Variants in FAM78A observed in about 807,000 individuals in gnomAD.
The protein encoded by FAM78A is family with sequence similarity 78 member A.
In FAM78A, 12 loss-of-function variants were observed where a neutral mutation model predicts 22.6. The observed-to-expected ratio is 0.53, with a 90% confidence interval of 0.34 to 0.86. The LOEUF is 0.86. Among genes scored for constraint, FAM78A ranks in the 40% least tolerant of loss-of-function variants. FAM78A has a pLI of 0.02. For missense variants in FAM78A, 322 were observed against 396.1 expected, an observed-to-expected ratio of 0.81 and a Z score of 1.59; for synonymous variants, 151 against 155.8, an observed-to-expected ratio of 0.97 and a Z score of 0.23.
intron 1 of FAM78A, among the ~76,000 whole-genome samples, chr9:131,269,601 T>C (rs1835392076): frequency 6.6e-6 from 1 of 152,064 alleles, no homozygotes; most frequent in South Asian, 2.1e-4. Flanking sequence ...CTCAGCCTTC[T>C]GAGTAGCTGG....
chr9:131,259,820 G>A lies in FAM78A; in HGVS notation c.*1002C>T, dbSNP rs1055203737. On this transcript the variant is annotated 3_prime_UTR_variant, in exon 2 of 2. Transcript: ENST00000372271. ...ATTTGGGACCAGTGTGGATGGAGAA[G>A]GAAAAAGCCACACACCTGGAGGAAG... 1 of 152,862 alleles carries A rather than the reference G, an allele frequency of 6.5e-6. No individual in the cohort carries two copies. Among genetic ancestry groups the A allele is most frequent in the Non-Finnish European group, 1.5e-5 (1 of 68,218 alleles). The allele number at this position is 152,862 out of a possible 1,614,324, so 9.5% of individuals were successfully genotyped here.
At chr9:131,280,078 A>T (rs186651588), upstream of FAM78A, among the ~76,000 whole-genome samples, 5 of 151,472 alleles carry the variant, frequency 3.3e-5, no homozygotes, top group Admixed American at 3.3e-4. Flanking sequence ...CCTTGACATC[A>T]CCCCTGCACA....
Position 131,260,636 on chromosome 9 carries a change from C to G in FAM78A, c.*186G>C, listed in dbSNP as rs1835250441. On this transcript the variant is annotated 3_prime_UTR_variant, in exon 2 of 2. Coordinates refer to ENST00000372271, the MANE Select transcript of FAM78A (RefSeq NM_033387.4). The surrounding 1 kb of genome is among the most constrained non-coding windows in gnomAD (Gnocchi z 5.4). The stretch of plus-strand genomic sequence containing the variant: ...TCTGTCTGTCCTGCTTAGATCTCCC[C>G]TCTCCCTGAAAGGAAGCAGGTGCCG... 1 of 605,170 alleles carries G rather than the reference C, an allele frequency of 1.7e-6. No individual in the cohort carries two copies. Among genetic ancestry groups the G allele is most frequent in the Admixed American group, 3.6e-5 (1 of 27,446 alleles). The allele number at this position is 605,170 out of a possible 1,614,324, so 37.5% of individuals were successfully genotyped here.
chr9:131,271,853 G>A (rs1037715363), intron 1 of FAM78A, among the ~76,000 whole-genome samples: 26 of 152,196 alleles, frequency 1.7e-4, no homozygotes, highest in African/African-American at 5.8e-4. Context: ...GAGGAATTGC[G>A]GGGGCCGGGC....
chr9:131,266,806 G>A (rs1045017708), intron 1 of FAM78A, among the ~76,000 whole-genome samples: 1 of 152,238 alleles, frequency 6.6e-6, no homozygotes, highest in African/African-American at 2.4e-5. Flanking sequence ...CACAGCACCT[G>A]GCCCAGCTTC....
intron 1 of FAM78A, among the ~76,000 whole-genome samples, chr9:131,268,873 A>G (rs1835380823): frequency 6.7e-6 from 1 of 149,136 alleles, no homozygotes; most frequent in South Asian, 2.2e-4. Flanking sequence ...AGCCTGGGCG[A>G]CAGAGCGAGA....
chr9:131,258,362 C>T lies in FAM78A; in HGVS notation c.*2460G>A, dbSNP rs749853629. On this transcript the variant is annotated 3_prime_UTR_variant, in exon 2 of 2. Transcript: ENST00000372271. The stretch of plus-strand genomic sequence containing the variant: ...GAGCAAGGAGGCTGAAGGAGCAGAC[C>T]GGGGCTCAGCTGAGCGTCCGTGGCC... 2.6e-5 allele frequency: 4 copies of T among 152,420 alleles called. No individual in the cohort carries two copies. In the South Asian group the frequency reaches 6.2e-4, roughly 24 times the overall value. 9.4% of individuals were successfully genotyped at this position (152,420 alleles called of 1,614,324 possible).
Position 131,270,192 on chromosome 9 carries a change from G to A in FAM78A, c.323+5665C>T. The A allele has an allele frequency of 7.1e-6, 5 of 699,880 alleles. No homozygotes were observed. The South Asian group carries it at 7.6e-5, about 11-fold the overall frequency. 43.4% of individuals were successfully genotyped at this position (699,880 alleles called of 1,614,324 possible). ...CTGCACTCCAGCCTGGGTGACAAGA[G>A]TGAAACTGCATCTCAAAAACAAGTA... On this transcript the variant is annotated intron_variant, in intron 1 of 1. Transcript: ENST00000372271.
intron 1 of FAM78A, among the ~76,000 whole-genome samples, chr9:131,271,986 C>T (rs956708923): frequency 6.6e-6 from 1 of 151,890 alleles, no homozygotes; most frequent in Non-Finnish European, 1.5e-5. Context: ...TCTTTTCCAG[C>T]TCTGTCTGCA....
rs930040002 is a variant in FAM78A at position 131,265,366 on chromosome 9, C to G, written c.324-4016G>C. On this transcript the variant is annotated intron_variant, in intron 1 of 1. Transcript: ENST00000372271. This position sits in a 1 kb window ranked among gnomAD's most constrained non-coding sequence, Gnocchi z 4.3. Reference sequence around the variant, plus strand: ...TGCCTCCTGGGTTCAAGCGATTCTCCTGCCTCAGCTTCCCAAGTAGCTGGG... The same window carrying G: ...TGCCTCCTGGGTTCAAGCGATTCTCGTGCCTCAGCTTCCCAAGTAGCTGGG... 6.6e-6 allele frequency among the ~76,000 whole-genome samples: 1 copy of G among 152,174 alleles called. No homozygotes were observed. The highest frequency in any genetic ancestry group is 2.4e-5 in the African/African-American group (1 of 41,442).
chr9:131,270,966 G>T (rs1835413958), intron 1 of FAM78A, among the ~76,000 whole-genome samples: 1 of 151,294 alleles, frequency 6.6e-6, no homozygotes, highest in South Asian at 2.1e-4. Flanking sequence ...GCACCCAGCG[G>T]TCCCTCCACC....
At position 131,272,396 on chromosome 9, in the gene FAM78A, G is replaced by C. The variant is rs1465868105; in HGVS notation, c.323+3461C>G. 6.6e-6 allele frequency among the ~76,000 whole-genome samples: 1 copy of C among 152,202 alleles called. No homozygotes were observed. The highest frequency in any genetic ancestry group is 1.5e-5 in the Non-Finnish European group (1 of 68,038). On this transcript the variant is annotated intron_variant, in intron 1 of 1. Transcript: ENST00000372271. This position sits in a 1 kb window ranked among gnomAD's most constrained non-coding sequence, Gnocchi z 4.1. ...TGACTGTCACAGCTTGCGGGGATGT[G>C]CTCCTGGCATGGAGTGGGTAGAGGC...
Position 131,260,565 on chromosome 9 carries a change from A to T in FAM78A, c.*257T>A. 1 of 378,224 alleles carries T rather than the reference A, an allele frequency of 2.6e-6. No individual in the cohort carries two copies. The highest frequency in any genetic ancestry group is 2.1e-5 in the African/African-American group (1 of 48,266). 23.4% of individuals were successfully genotyped at this position (378,224 alleles called of 1,614,324 possible). A position where few individuals can be genotyped will look rare whatever the true frequency, so the allele number is the denominator to read the frequency against. On this transcript the variant is annotated 3_prime_UTR_variant, in exon 2 of 2. Transcript: ENST00000372271. The surrounding 1 kb of genome is among the most constrained non-coding windows in gnomAD (Gnocchi z 5.4). ...AAGTGAGCGACTGAAACTGAGAAAA[A>T]GGAGAGGCAAGGAGACCAGAGGTCA...
chr9:131,271,000 T>C (rs4740426), intron 1 of FAM78A, among the ~76,000 whole-genome samples: 21,195 of 81,132 alleles, frequency 0.26, 3,238 homozygotes, highest in African/African-American at 0.44. Flanking sequence ...TTCCCACCAG[T>C]CTTTTTTTTT....
rs977643823 is a variant in FAM78A, at chr9:131,265,185, T to A, written c.324-3835A>T. Among the ~76,000 whole-genome samples the A allele has an allele frequency of 1.3e-5, 2 of 152,226 alleles. No individual in the cohort carries two copies. The highest frequency in any genetic ancestry group is 2.9e-5 in the Non-Finnish European group (2 of 68,032). On this transcript the variant is annotated intron_variant, in intron 1 of 1. Transcript: ENST00000372271. This position sits in a 1 kb window ranked among gnomAD's most constrained non-coding sequence, Gnocchi z 4.3. ...ATTTAAACATTCTAATTCTGTTCTC[T>A]TAGTAGTTGTCCTTGAAATTTTCCG...
rs1835262711 is a variant in FAM78A, at chr9:131,261,209, G to T, written c.465C>A (p.Ile155=). The T allele has an allele frequency of 6.2e-7, 1 of 1,613,840 alleles. No individual in the cohort carries two copies. The highest frequency in any genetic ancestry group is 1.3e-5 in the African/African-American group (1 of 74,898). Residue 155 remains isoleucine (I), a synonymous_variant, in exon 2 of 2, where the codon ATC becomes ATA. Coordinates refer to ENST00000372271, the MANE Select transcript of FAM78A (RefSeq NM_033387.4). This position sits in a 1 kb window ranked among gnomAD's most constrained non-coding sequence, Gnocchi z 7.1. Reference sequence around the variant, plus strand: ...GGTAAAAGTTGTCATTCATGCTGATGATGAACTTGGAGTCCCTCTTGGTGG... The same window carrying T: ...GGTAAAAGTTGTCATTCATGCTGATTATGAACTTGGAGTCCCTCTTGGTGG... ...VGPTKRDSKF[I]ISMNDNFYPS... is the part of the protein sequence containing the mutation.
chr9:131,276,652 G>A (rs941721402), upstream of FAM78A: 4 of 153,120 alleles, frequency 2.6e-5, no homozygotes, highest in South Asian at 8.1e-4. The surrounding 1 kb of genome is among the most constrained non-coding windows in gnomAD (Gnocchi z 4.3). Context: ...GCACCCGCCC[G>A]GCGCGGTCGA....
Position 131,275,725 on chromosome 9 carries a change from C to T in FAM78A, c.323+132G>A, listed in dbSNP as rs1025875302. On this transcript the variant is annotated intron_variant, in intron 1 of 1. Transcript: ENST00000372271. This position sits in a 1 kb window ranked among gnomAD's most constrained non-coding sequence, Gnocchi z 4.6. ...GCCAATGAGGCCACCTGCATACCTG[C>T]CTAAAGCTTCCCTCTGGCCTCCGTC... is the stretch of plus-strand genomic sequence containing the variant. 8.0e-6 allele frequency: 8 copies of T among 1,002,828 alleles called. No individual in the cohort carries two copies. The highest frequency in any genetic ancestry group is 1.1e-5 in the Non-Finnish European group (8 of 703,402). The allele number at this position is 1,002,828 out of a possible 1,614,324, so 62.1% of individuals were successfully genotyped here.
chr9:131,264,429 G>A, intron 1 of FAM78A: 1 of 599,818 alleles, frequency 1.7e-6, no homozygotes, highest in Non-Finnish European at 3.0e-6. Context: ...GTTGCAGCGG[G>A]TGCAGCAGCC....
Sources: gnomAD v4.1 joint callset for allele counts (sites outside exome capture counted in the v4.1 genomes callset) on GRCh38, gnomAD v4.1.1 for gene constraint, Gnocchi (gnomAD v3.1) non-coding constraint, MANE v1.5 for transcripts, NCBI Gene and HGNC (gene_info 2026-07-23, HGNC 2026-07-21) for gene names.